ST3GAL1: variants seen among roughly 807,000 people sequenced by gnomAD.
ST3GAL1 encodes ST3 beta-galactoside alpha-2,3-sialyltransferase 1, also known as CMP-N-acetylneuraminate-beta-galactosamide-alpha-2,3-sialyltransferase 1.
ST3GAL1 carries 16 observed loss-of-function variants against 34.1 expected under a neutral mutation model. The observed-to-expected ratio is 0.47, with a 90% confidence interval of 0.32 to 0.71. The LOEUF (loss-of-function observed/expected upper bound fraction) is 0.71, where lower values mean the gene tolerates loss of function less well. Ranked by LOEUF, ST3GAL1 falls within the 30% of genes least tolerant of loss-of-function variation. The pLI, the probability that ST3GAL1 is intolerant of heterozygous loss-of-function variation, is 0.04. For missense variants in ST3GAL1, 353 were observed against 447.4 expected (o/e 0.79, Z 1.90); for synonymous variants, 191 against 184.7 (o/e 1.03, Z -0.28).
chr8:133,488,471 T>C (rs1232801373), intron 3 of ST3GAL1: 1 of 152,278 alleles, frequency 6.6e-6, no homozygotes, highest in Non-Finnish European at 1.5e-5. Context: ...CTTAAGATTG[T>C]AACAGAGAAG....
intron 2 of ST3GAL1, among the ~76,000 whole-genome samples, chr8:133,506,787 A>C (rs967098569): frequency 2.0e-5 from 3 of 150,840 alleles, no homozygotes; most frequent in African/African-American, 7.3e-5. Flanking sequence ...CTTTGTCCCA[A>C]AAAAAAGAAA....
At chr8:133,565,357 G>A (rs1819362705) in intron 1 of ST3GAL1, among the ~76,000 whole-genome samples, 1 of 152,106 alleles carries the variant, frequency 6.6e-6, no homozygotes, top group Admixed American at 6.5e-5. Flanking sequence ...GATCCGCCTG[G>A]CTCCTCTCCT....
At chr8:133,555,931 G>T (rs1315942690) in intron 1 of ST3GAL1, among the ~76,000 whole-genome samples, 2 of 151,992 alleles carry the variant, frequency 1.3e-5, no homozygotes, top group East Asian at 3.9e-4. Flanking sequence ...TTTCACTTTG[G>T]TGCCCAGGCT....
intron 3 of ST3GAL1, among the ~76,000 whole-genome samples, chr8:133,490,650 G>A (rs908147928): frequency 1.3e-5 from 2 of 152,230 alleles, no homozygotes; most frequent in African/African-American, 4.8e-5. Flanking sequence ...ACATGGTGGT[G>A]ATGATGGAGA....
At chr8:133,559,286 G>A (rs926793457) in intron 1 of ST3GAL1, among the ~76,000 whole-genome samples, 9 of 152,148 alleles carry the variant, frequency 5.9e-5, no homozygotes, top group Non-Finnish European at 1.3e-4. Context: ...AGGACTTACT[G>A]TGGTCCAAGG....
rs1383474449 is a variant in ST3GAL1, at chr8:133,458,646, T to A, written c.*1118A>T. The A allele has an allele frequency of 1.3e-5, 2 of 152,202 alleles. No individual in the cohort carries two copies. The highest frequency in any genetic ancestry group is 2.9e-5 in the Non-Finnish European group (2 of 68,042). The allele number at this position is 152,202 out of a possible 1,614,324, so 9.4% of individuals were successfully genotyped here. On this transcript the variant is annotated 3_prime_UTR_variant, in exon 10 of 10. Coordinates refer to ENST00000522652, the MANE Select transcript of ST3GAL1 (RefSeq NM_173344.3). ...TGGCTCAGGAAACCAGAAAAGATGT[T>A]CCCAGCTACGGAGCAAGCAGGGCCG...
chr8:133,489,071 T>C (rs1358910752), intron 3 of ST3GAL1, among the ~76,000 whole-genome samples: 1 of 152,170 alleles, frequency 6.6e-6, no homozygotes, highest in Non-Finnish European at 1.5e-5. Context: ...AGCTGTGTCC[T>C]GGGGGTCTCA....
intron 2 of ST3GAL1, among the ~76,000 whole-genome samples, chr8:133,499,876 C>T (rs534412524): frequency 2.0e-5 from 3 of 152,088 alleles, no homozygotes; most frequent in Admixed American, 6.5e-5. Flanking sequence ...CGTGTGCACT[C>T]GCAACAGGGC....
At chr8:133,509,758 C>A (rs931744911) in intron 2 of ST3GAL1, among the ~76,000 whole-genome samples, 1 of 152,244 alleles carries the variant, frequency 6.6e-6, no homozygotes, top group Admixed American at 6.5e-5. Flanking sequence ...TGTAACCCAG[C>A]AAAAATTAGT....
At chr8:133,468,873 A>G (rs1255931540) in intron 5 of ST3GAL1, among the ~76,000 whole-genome samples, 4 of 152,180 alleles carry the variant, frequency 2.6e-5, no homozygotes, top group Non-Finnish European at 5.9e-5. Flanking sequence ...CCCAGGGTAG[A>G]GGACCACAGC....
Position 133,475,926 on chromosome 8 carries a change from C to T in ST3GAL1, c.99G>A (p.Val33=). The T allele has an allele frequency of 1.2e-6, 2 of 1,613,946 alleles. No homozygotes were observed. Among genetic ancestry groups the T allele is most frequent in the South Asian group, 2.2e-5 (2 of 91,062 alleles). Residue 33 remains valine, a synonymous_variant, in exon 5 of 10, where the codon GTG becomes GTA. Transcript: ENST00000522652. ...SFFLNYSHTM[V]ATTWFPKQMV... Reference sequence around the variant, plus strand: ...TCTGCTTGGGGAACCAGGTGGTGGCCACCATGGTGTGGGAGTAGTTCAGGA... The same window carrying T: ...TCTGCTTGGGGAACCAGGTGGTGGCTACCATGGTGTGGGAGTAGTTCAGGA...
At chr8:133,486,450 T>C (rs943168242) in intron 3 of ST3GAL1, among the ~76,000 whole-genome samples, 3 of 152,176 alleles carry the variant, frequency 2.0e-5, no homozygotes, top group Admixed American at 1.3e-4. Context: ...TGTGCTCTCA[T>C]GGCCGAGCCA....
chr8:133,481,870 T>C (rs1243878054), intron 3 of ST3GAL1, among the ~76,000 whole-genome samples: 1 of 152,012 alleles, frequency 6.6e-6, no homozygotes, highest in Non-Finnish European at 1.5e-5. Context: ...TGCTGGCAAA[T>C]GCCTTGAAAG....
intron 5 of ST3GAL1, among the ~76,000 whole-genome samples, chr8:133,472,825 G>A (rs1271724222): frequency 3.3e-5 from 5 of 149,692 alleles, no homozygotes; most frequent in African/African-American, 1.2e-4. Context: ...AAACAACTAA[G>A]TGGAAATATA....
chr8:133,537,705 G>A (rs543953115), intron 2 of ST3GAL1, among the ~76,000 whole-genome samples: 80 of 152,244 alleles, frequency 5.3e-4, no homozygotes, highest in Non-Finnish European at 8.7e-4. Context: ...CCTGGGGGCC[G>A]GGATTGGCCC....
At chr8:133,493,183 C>T (rs1816835434) in intron 3 of ST3GAL1, among the ~76,000 whole-genome samples, 1 of 152,202 alleles carries the variant, frequency 6.6e-6, no homozygotes, top group Non-Finnish European at 1.5e-5. Context: ...AGAAGGCCTC[C>T]CACATAGGGA....
intron 1 of ST3GAL1, among the ~76,000 whole-genome samples, chr8:133,554,187 T>C (rs1274935716): frequency 1.3e-5 from 2 of 152,182 alleles, no homozygotes; most frequent in African/African-American, 4.8e-5. Context: ...TTCACAACCA[T>C]GAGCATGAGT....
chr8:133,470,805 G>A (rs925194231), intron 5 of ST3GAL1, among the ~76,000 whole-genome samples: 1 of 152,170 alleles, frequency 6.6e-6, no homozygotes, highest in African/African-American at 2.4e-5. Context: ...ATGCCCAGGG[G>A]CACGGCCCGA....
chr8:133,516,478 G>C (rs1219474749), intron 2 of ST3GAL1, among the ~76,000 whole-genome samples: 1 of 152,146 alleles, frequency 6.6e-6, no homozygotes, highest in Non-Finnish European at 1.5e-5. Flanking sequence ...ATCCATTCTT[G>C]GGGAATCAAG....
Sources: allele counts gnomAD v4.1 joint callset (sites outside exome capture counted in the v4.1 genomes callset), GRCh38; gene constraint gnomAD v4.1.1; transcripts MANE v1.5; gene names NCBI Gene and HGNC (gene_info 2026-07-23, HGNC 2026-07-21).